The following PALM2AKAP2 variants were observed in gnomAD, a reference collection of about 807,000 sequenced individuals.
PALM2AKAP2 encodes the protein PALM2 and AKAP2 fusion.
PALM2AKAP2 carries 37 observed loss-of-function variants against 71.5 expected under a neutral mutation model. The observed-to-expected ratio is 0.52, with a 90% CI of 0.40 to 0.68. The LOEUF (loss-of-function observed/expected upper bound fraction) is 0.68. Ranked by LOEUF, PALM2AKAP2 falls within the 30% of genes least tolerant of loss-of-function variation. PALM2AKAP2 has a pLI of 0.00. For missense variants in PALM2AKAP2, 1,224 were observed against 1,191.8 expected, an observed-to-expected ratio of 1.03 and a Z score of -0.40; for synonymous variants, 468 against 478.8, an observed-to-expected ratio of 0.98 and a Z score of 0.29.
At chr9:110,165,284 TCACACACACA>T (rs58758256) in intron 3 of PALM2AKAP2, among the ~76,000 whole-genome samples, 3,113 of 142,358 alleles carry the variant, frequency 0.022, 100 homozygotes, top group African/African-American at 0.072. Flanking sequence ...TGCTAGAGAT[TCACACACACA>T]CACACACACA....
chr9:110,131,881 AG>A (rs952110785), intron 1 of PALM2AKAP2, among the ~76,000 whole-genome samples: 1 of 152,196 alleles, frequency 6.6e-6, no homozygotes, highest in Non-Finnish European at 1.5e-5. Context: ...TTATGGGGAA[AG>A]GGGGACTGGA....
intron 1 of PALM2AKAP2, among the ~76,000 whole-genome samples, chr9:110,078,405 A>G (rs79496845): frequency 3.3e-4 from 51 of 152,300 alleles, no homozygotes; most frequent in African/African-American, 1.2e-3. Flanking sequence ...ATATTTTCCT[A>G]TGGTGAATTT....
chr9:110,085,755 A>G lies in PALM2AKAP2; in HGVS notation c.156+36900A>G, dbSNP rs150732094. On this transcript the variant is annotated intron_variant, in intron 1 of 3. Coordinates refer to ENST00000374525, the Ensembl canonical transcript of PALM2AKAP2. Reference sequence around the variant, plus strand: ...CAATGGATAATGCCTAAAACTGATAAATAGAAAGCAAGATAGCCTAAACAT... The same window carrying G: ...CAATGGATAATGCCTAAAACTGATAGATAGAAAGCAAGATAGCCTAAACAT... Among the ~76,000 whole-genome samples the G allele has an allele frequency of 2.0e-3, 301 of 152,344 alleles. 2 individuals carry two copies. The highest frequency in any genetic ancestry group is 7.0e-3 in the African/African-American group (291 of 41,586).
upstream of PALM2AKAP2, among the ~76,000 whole-genome samples, chr9:110,044,188 G>A (rs902760165): frequency 1.3e-5 from 2 of 152,026 alleles, no homozygotes; most frequent in African/African-American, 4.8e-5. Flanking sequence ...ATCCCATGAG[G>A]ATCCCCCTGG....
intron 1 of PALM2AKAP2, among the ~76,000 whole-genome samples, chr9:109,740,843 G>A (rs1828705959): frequency 1.3e-5 from 2 of 152,070 alleles, no homozygotes; most frequent in Admixed American, 6.5e-5. Context: ...TGGTAGAGAC[G>A]GGGTTTCACT....
At chr9:109,903,464 C>T (rs1458093981) in intron 3 of PALM2AKAP2, among the ~76,000 whole-genome samples, 1 of 152,158 alleles carries the variant, frequency 6.6e-6, no homozygotes, top group East Asian at 1.9e-4. Context: ...AGGCCCGAAT[C>T]CCTGGACCTT....
At chr9:109,778,931 G>A (rs1338149803), upstream of PALM2AKAP2, among the ~76,000 whole-genome samples, 1 of 152,018 alleles carries the variant, frequency 6.6e-6, no homozygotes, top group African/African-American at 2.4e-5. Flanking sequence ...ACCACGCCCG[G>A]CTAATTTTTT....
chr9:109,892,497 C>T (rs1830110921), intron 3 of PALM2AKAP2, among the ~76,000 whole-genome samples: 1 of 152,164 alleles, frequency 6.6e-6, no homozygotes, highest in Admixed American at 6.5e-5. Context: ...GGCCATCATT[C>T]AGTGTACTAT....
At chr9:110,062,727 G>A (rs1345875437) in intron 1 of PALM2AKAP2, among the ~76,000 whole-genome samples, 1 of 152,134 alleles carries the variant, frequency 6.6e-6, no homozygotes, top group Admixed American at 6.5e-5. Context: ...ACCACAGCCT[G>A]GGTAGTTTAA....
chr9:110,125,586 C>G (rs1835585386), intron 1 of PALM2AKAP2: 4 of 985,370 alleles, frequency 4.1e-6, no homozygotes, highest in African/African-American at 3.5e-5. Flanking sequence ...GAGGCGCGCG[C>G]TCTGGGCAGG....
At position 109,956,211 on chromosome 9, in the gene PALM2AKAP2, G is replaced by A. The variant is rs182145370; in HGVS notation, c.496+24183G>A. 3.8e-3 allele frequency among the ~76,000 whole-genome samples: 580 copies of A among 152,038 alleles called. 2 individuals carry two copies. The highest frequency in any genetic ancestry group is 0.01 in the East Asian group (52 of 5,114). On this transcript the variant is annotated intron_variant, in intron 6 of 9. Coordinates refer to the PALM2AKAP2 transcript ENST00000302798. ...GTAGAGATGGGGTTTCGCTATGTTG[G>A]CCAGGCTGGTCTCAAACTTCTGACC...
chr9:109,642,594 G>A (rs559012335), intron 1 of PALM2AKAP2, among the ~76,000 whole-genome samples: 41 of 151,654 alleles, frequency 2.7e-4, no homozygotes, highest in Non-Finnish European at 4.0e-4. Context: ...GTCTCACTCT[G>A]TCACCCAGGC....
intron 1 of PALM2AKAP2, among the ~76,000 whole-genome samples, chr9:109,807,212 C>T (rs145636735): frequency 6.8e-4 from 104 of 152,228 alleles, no homozygotes; most frequent in African/African-American, 2.4e-3. Context: ...TGGAGTTTCA[C>T]TGGAATGAAA....
At chr9:109,773,198 C>T (rs7048488) in intron 1 of PALM2AKAP2, among the ~76,000 whole-genome samples, 78,073 of 151,944 alleles carry the variant, frequency 0.51, 22,567 homozygotes, top group African/African-American at 0.78. Flanking sequence ...TGCAGTGGCA[C>T]GATCATGATT....
rs560271657 is a variant in PALM2AKAP2 at position 109,855,911 on chromosome 9, G to C, written c.46-11580G>C. Among the ~76,000 whole-genome samples the C allele has an allele frequency of 2.3e-4, 35 of 152,246 alleles. No individual in the cohort carries two copies. In the South Asian group the frequency reaches 7.3e-3, roughly 32 times the overall value. Reference sequence around the variant, plus strand: ...ATCATTTTTTTAACCTGAAAAGATAGAGTAATAGTCTATGATAAGGACAAA... The same window carrying C: ...ATCATTTTTTTAACCTGAAAAGATACAGTAATAGTCTATGATAAGGACAAA... On this transcript the variant is annotated intron_variant, in intron 1 of 9. Coordinates refer to the PALM2AKAP2 transcript ENST00000302798.
At position 109,649,183 on chromosome 9, in the gene PALM2AKAP2, C is replaced by T. The variant is rs1827192475; in HGVS notation, c.5+8317C>T. ...TTTTTTTTTCTGGAAAATGGTAGTT[C>T]CTTTGTTCTGAAGAGTCATATTTTC... On this transcript the variant is annotated intron_variant, in intron 1 of 6. Coordinates refer to the PALM2AKAP2 transcript ENST00000374531. 2.7e-5 allele frequency among the ~76,000 whole-genome samples: 4 copies of T among 150,922 alleles called. No individual in the cohort carries two copies. In the South Asian group the frequency reaches 8.4e-4, roughly 32 times the overall value.
chr9:109,809,519 ATAAC>A (rs560209013), intron 1 of PALM2AKAP2, among the ~76,000 whole-genome samples: 12 of 152,334 alleles, frequency 7.9e-5, no homozygotes, highest in African/African-American at 2.4e-4. Flanking sequence ...TATCTAGGAA[ATAAC>A]TAACTTGCTT....
intron 1 of PALM2AKAP2, among the ~76,000 whole-genome samples, chr9:109,672,268 T>C (rs1312656206): frequency 6.6e-6 from 1 of 152,004 alleles, no homozygotes; most frequent in Non-Finnish European, 1.5e-5. Context: ...TGATTTTGAG[T>C]TGTGTTCCTT....
intron 1 of PALM2AKAP2, among the ~76,000 whole-genome samples, chr9:110,082,519 A>T (rs1040058888): frequency 2.0e-5 from 3 of 152,238 alleles, no homozygotes; most frequent in East Asian, 3.8e-4. Flanking sequence ...CTTACGTACA[A>T]TAAAGTTTAG....
Sources: allele counts gnomAD v4.1 joint callset (sites outside exome capture counted in the v4.1 genomes callset), GRCh38; gene constraint gnomAD v4.1.1; transcripts MANE v1.5; gene names NCBI Gene and HGNC (gene_info 2026-07-23, HGNC 2026-07-21).